The following SYT1 variants were observed in gnomAD, a reference collection of about 807,000 sequenced individuals.
SYT1 encodes the protein synaptotagmin 1.
SYT1 carries 8 observed loss-of-function variants against 44.8 expected under a neutral mutation model. That is an observed-to-expected ratio of 0.18 (90% CI 0.10 to 0.32). SYT1 has a LOEUF of 0.32. Ranked by LOEUF, SYT1 falls within the 10% of genes least tolerant of loss-of-function variation. The pLI is 1.00. For synonymous variants in SYT1, 154 were observed against 188.8 expected, an observed-to-expected ratio of 0.82 and a Z score of 1.51; for missense variants, 286 against 509.3, an observed-to-expected ratio of 0.56 and a Z score of 4.22.
At chr12:79,031,140 T>C (rs1872805306) in intron 2 of SYT1, among the ~76,000 whole-genome samples, 1 of 141,574 alleles carries the variant, frequency 7.1e-6, no homozygotes, top group African/African-American at 3.1e-5. Flanking sequence ...ATAAAATCTC[T>C]ACTAGTTGAA....
chr12:79,376,346 A>T (rs1883995125), intron 9 of SYT1, among the ~76,000 whole-genome samples: 1 of 152,220 alleles, frequency 6.6e-6, no homozygotes, highest in East Asian at 1.9e-4. Context: ...TGCTGAACAA[A>T]GGGTGGATTA....
intron 3 of SYT1, among the ~76,000 whole-genome samples, chr12:79,086,905 T>C (rs759005207): frequency 6.6e-6 from 1 of 152,184 alleles, no homozygotes; most frequent in African/African-American, 2.4e-5. Flanking sequence ...ATGCCTTTTT[T>C]CTACTTCAAA....
chr12:79,214,956 T>C (rs1311139739), intron 3 of SYT1, among the ~76,000 whole-genome samples: 2 of 151,342 alleles, frequency 1.3e-5, no homozygotes, highest in African/African-American at 4.9e-5. Context: ...TGTGTGTGTG[T>C]GTGTGTGTGT....
At chr12:79,278,222 C>T (rs1368378761) in intron 4 of SYT1, among the ~76,000 whole-genome samples, 1 of 152,076 alleles carries the variant, frequency 6.6e-6, no homozygotes, top group Non-Finnish European at 1.5e-5. Flanking sequence ...TACTTCTCAT[C>T]AGCACATAGA....
At chr12:79,134,912 A>T (rs1313100189) in intron 3 of SYT1, among the ~76,000 whole-genome samples, 1 of 152,028 alleles carries the variant, frequency 6.6e-6, no homozygotes, top group Non-Finnish European at 1.5e-5. Flanking sequence ...AATGTATAGC[A>T]TGGTAACTAT....
chr12:79,043,415 T>G (rs1414114722), intron 2 of SYT1, among the ~76,000 whole-genome samples: 7 of 148,806 alleles, frequency 4.7e-5, no homozygotes, highest in African/African-American at 1.7e-4. Flanking sequence ...TTTGTTGGTT[T>G]AAAGTCTGTT....
intron 3 of SYT1, among the ~76,000 whole-genome samples, chr12:79,112,586 C>T (rs1378254176): frequency 6.6e-6 from 1 of 152,012 alleles, no homozygotes; most frequent in Non-Finnish European, 1.5e-5. Flanking sequence ...GGACACTAGT[C>T]AAGTTTTCAA....
chr12:79,390,093 C>T (rs545913698), intron 9 of SYT1, among the ~76,000 whole-genome samples: 7 of 152,006 alleles, frequency 4.6e-5, no homozygotes, highest in South Asian at 4.2e-4. Context: ...CCACCATGCC[C>T]GGCTAATTTT....
chr12:79,062,019 ATT>A (rs1403278196), intron 3 of SYT1, among the ~76,000 whole-genome samples: 2 of 152,188 alleles, frequency 1.3e-5, no homozygotes, highest in Non-Finnish European at 2.9e-5. Context: ...ATGCTAGCTT[ATT>A]TTAATGTTCT....
At chr12:79,004,102 TTATATG>T (rs1434817136) in intron 2 of SYT1, among the ~76,000 whole-genome samples, 3 of 151,914 alleles carry the variant, frequency 2.0e-5, no homozygotes, top group African/African-American at 7.2e-5. Flanking sequence ...CACATTTAGT[TTATATG>T]TATAAGAAAT....
chr12:79,332,597 C>T (rs1389577313), intron 8 of SYT1, among the ~76,000 whole-genome samples: 1 of 152,146 alleles, frequency 6.6e-6, no homozygotes, highest in African/African-American at 2.4e-5. Flanking sequence ...AAGTCAGTAA[C>T]TCCGAAAAAG....
At chr12:79,313,642 A>C (rs114348651) in intron 8 of SYT1, among the ~76,000 whole-genome samples, 281 of 151,934 alleles carry the variant, frequency 1.8e-3, no homozygotes, top group African/African-American at 6.4e-3. Flanking sequence ...AGACCTGCTA[A>C]GCTTAGTCAA....
intron 1 of SYT1, among the ~76,000 whole-genome samples, chr12:78,901,312 A>G (rs1875651266): frequency 6.6e-6 from 1 of 152,120 alleles, no homozygotes; most frequent in South Asian, 2.1e-4. Context: ...TCTTCCATGA[A>G]TGATGAAGAT....
chr12:79,345,575 A>G (rs1882572581), intron 8 of SYT1, among the ~76,000 whole-genome samples: 1 of 152,196 alleles, frequency 6.6e-6, no homozygotes, highest in African/African-American at 2.4e-5. Context: ...ACAATTTACT[A>G]TACATTTGTA....
chr12:79,289,494 C>G (rs1879468780), intron 5 of SYT1, among the ~76,000 whole-genome samples: 1 of 152,098 alleles, frequency 6.6e-6, no homozygotes, highest in East Asian at 1.9e-4. Context: ...AAAAATTTAG[C>G]CCTATTTCAT....
chr12:79,355,669 A>G (rs1482135587), intron 9 of SYT1, among the ~76,000 whole-genome samples: 1 of 152,126 alleles, frequency 6.6e-6, no homozygotes, highest in Non-Finnish European at 1.5e-5. Context: ...TTGCAAACAA[A>G]CTATACAACT....
rs369758844 is a variant in SYT1 at position 79,296,104 on chromosome 12, C to T, written c.510C>T (p.Pro170=). The change falls in exon 7 of 11, where the codon CCC becomes CCT. Residue 170 remains proline, a synonymous_variant. Transcript: ENST00000261205. ...LVGIIQAAEL[P]ALDMGGTSDP... is the part of the protein sequence containing the mutation. Reference sequence around the variant, plus strand: ...GGATCATTCAGGCTGCCGAACTGCCCGCCTTGGACATGGGGGGCACATCTG... The same window carrying T: ...GGATCATTCAGGCTGCCGAACTGCCTGCCTTGGACATGGGGGGCACATCTG... The T allele has an allele frequency of 2.7e-5, 43 of 1,612,746 alleles. No individual in the cohort carries two copies. The highest frequency in any genetic ancestry group is 1.6e-4 in the Middle Eastern group (1 of 6,078).
intron 9 of SYT1, among the ~76,000 whole-genome samples, chr12:79,397,414 G>A (rs554894056): frequency 6.6e-6 from 1 of 152,070 alleles, no homozygotes; most frequent in South Asian, 2.1e-4. Flanking sequence ...TTTCTGTAGA[G>A]AGGGGAGTCT....
intron 3 of SYT1, among the ~76,000 whole-genome samples, chr12:79,092,976 AT>A (rs1877880642): frequency 6.6e-6 from 1 of 151,736 alleles, no homozygotes; most frequent in African/African-American, 2.4e-5. Context: ...TAGGATATAA[AT>A]TTCTAGAAAT....
Sources: gnomAD v4.1 joint callset for allele counts (sites outside exome capture counted in the v4.1 genomes callset) on GRCh38, gnomAD v4.1.1 for gene constraint, MANE v1.5 for transcripts, NCBI Gene and HGNC (gene_info 2026-07-23, HGNC 2026-07-21) for gene names.